The following MBD5 variants were observed in gnomAD, a reference collection of about 807,000 sequenced individuals.
MBD5 encodes methyl-CpG-binding domain protein 5.
A neutral mutation model predicts 117.3 loss-of-function variants in MBD5; 13 were observed. That is an observed-to-expected ratio of 0.11 (90% confidence interval 0.07 to 0.18). MBD5 has a LOEUF of 0.18. Among genes scored for constraint, MBD5 ranks in the 10% least tolerant of loss-of-function variants. MBD5 has a pLI of 1.00. For synonymous variants in MBD5, 727 were observed against 766.4 expected, an observed-to-expected ratio of 0.95 and a Z score of 0.85; for missense variants, 1,879 against 2,093.8, an observed-to-expected ratio of 0.90 and a Z score of 2.00.
intron 4 of MBD5, among the ~76,000 whole-genome samples, chr2:148,353,966 T>C (rs1703308903): frequency 6.6e-6 from 1 of 152,162 alleles, no homozygotes; most frequent in East Asian, 1.9e-4. Context: ...TAGATACTTC[T>C]TTGTGATTGC....
At position 148,470,396 on chromosome 2, in the gene MBD5, C is replaced by G. The variant is rs1413186409; in HGVS notation, c.2453C>G (p.Thr818Arg). ...AATCCACCTCAGTCAAGAATTTCAA[C>G]GTCCTCCACTCCAGTGATACCAAAC... Reference protein sequence around the residue: ...HPNPPQSRISTSSTPVIPNSI... With the variant: ...HPNPPQSRISRSSTPVIPNSI... Residue 818 changes from threonine to arginine, a missense_variant, in exon 8 of 14, where the codon ACG becomes AGG. Transcript: ENST00000642680. The G allele has an allele frequency of 6.2e-7, 1 of 1,613,234 alleles. No homozygotes were observed. The highest frequency in any genetic ancestry group is 8.5e-7 in the Non-Finnish European group (1 of 1,179,476).
chr2:148,204,676 C>G (rs1699232759), intron 2 of MBD5, among the ~76,000 whole-genome samples: 1 of 152,138 alleles, frequency 6.6e-6, no homozygotes, highest in South Asian at 2.1e-4. Context: ...GCTACAGGAT[C>G]TTATAGAAAG....
intron 2 of MBD5, among the ~76,000 whole-genome samples, chr2:148,199,540 G>A (rs1482251980): frequency 6.6e-6 from 1 of 152,070 alleles, no homozygotes; most frequent in East Asian, 1.9e-4. Flanking sequence ...AGGCCGAGGT[G>A]GATGGATCAC....
intron 4 of MBD5, among the ~76,000 whole-genome samples, chr2:148,421,794 A>G (rs1705616274): frequency 6.6e-6 from 1 of 152,178 alleles, no homozygotes; most frequent in Non-Finnish European, 1.5e-5. Flanking sequence ...TTTTACCCTC[A>G]CAGTGTAAAC....
At chr2:148,029,160 A>C (rs1693974647) in intron 1 of MBD5, among the ~76,000 whole-genome samples, 1 of 152,146 alleles carries the variant, frequency 6.6e-6, no homozygotes, top group Non-Finnish European at 1.5e-5. Context: ...CATACCACTC[A>C]TTAAGAATAC....
chr2:148,175,971 G>A (rs555721356), intron 1 of MBD5, among the ~76,000 whole-genome samples: 1 of 152,098 alleles, frequency 6.6e-6, no homozygotes, highest in African/African-American at 2.4e-5. Context: ...AACAATGCCT[G>A]TTATCTGGAA....
chr2:148,481,037 T>C (rs1681134760), intron 8 of MBD5, among the ~76,000 whole-genome samples: 1 of 152,182 alleles, frequency 6.6e-6, no homozygotes, highest in Non-Finnish European at 1.5e-5. Context: ...CTTTTATTTT[T>C]ATAGACTTTT....
chr2:148,408,167 C>T (rs1444097085), intron 4 of MBD5, among the ~76,000 whole-genome samples: 1 of 152,110 alleles, frequency 6.6e-6, no homozygotes, highest in Admixed American at 6.5e-5. Context: ...ACCTTCAATT[C>T]GAAATAAAGA....
At chr2:148,456,718 C>A (rs1444592470) in intron 4 of MBD5, among the ~76,000 whole-genome samples, 1 of 152,016 alleles carries the variant, frequency 6.6e-6, no homozygotes, top group African/African-American at 2.4e-5. Context: ...CTACTTGGTA[C>A]TTTTTATAGT....
intron 4 of MBD5, among the ~76,000 whole-genome samples, chr2:148,438,433 CTG>C (rs1230718834): frequency 4.6e-5 from 7 of 152,158 alleles, no homozygotes; most frequent in African/African-American, 1.7e-4. Context: ...TACTTTGTAT[CTG>C]TCATTATTAA....
At chr2:148,496,073 T>C (rs1681693619) in intron 11 of MBD5, among the ~76,000 whole-genome samples, 1 of 152,250 alleles carries the variant, frequency 6.6e-6, no homozygotes, top group African/African-American at 2.4e-5. Context: ...TATAATTCTC[T>C]GTTGAGAATG....
intron 3 of MBD5, among the ~76,000 whole-genome samples, chr2:148,270,539 C>A (rs540033142): frequency 6.6e-6 from 1 of 151,988 alleles, no homozygotes; most frequent in Non-Finnish European, 1.5e-5. Flanking sequence ...CAGGCATGCA[C>A]CACCACGCCT....
intron 3 of MBD5, among the ~76,000 whole-genome samples, chr2:148,307,486 AG>A (rs1182977278): frequency 1.1e-4 from 2 of 17,510 alleles, no homozygotes; most frequent in African/African-American, 1.4e-4. Context: ...ATCTTACTGT[AG>A]TAGAAAACTC....
At chr2:148,495,551 C>T (rs1326360805) in intron 11 of MBD5, among the ~76,000 whole-genome samples, 1 of 152,136 alleles carries the variant, frequency 6.6e-6, no homozygotes, top group African/African-American at 2.4e-5. Context: ...TATTACTAGA[C>T]TGGCACCAAA....
At chr2:148,058,454 G>A (rs995484894) in intron 1 of MBD5, among the ~76,000 whole-genome samples, 1 of 151,940 alleles carries the variant, frequency 6.6e-6, no homozygotes, top group African/African-American at 2.4e-5. Flanking sequence ...AGGAAGTTTA[G>A]ACCATGGGTG....
chr2:148,396,179 G>A (rs1235099025), intron 4 of MBD5, among the ~76,000 whole-genome samples: 2 of 152,144 alleles, frequency 1.3e-5, no homozygotes, highest in African/African-American at 4.8e-5. Context: ...GGGAACCAGT[G>A]ATCTTCCAGT....
At chr2:148,419,902 T>A (rs548369947) in intron 4 of MBD5, among the ~76,000 whole-genome samples, 3 of 152,118 alleles carry the variant, frequency 2.0e-5, no homozygotes, top group Non-Finnish European at 4.4e-5. Flanking sequence ...CAGATAAACA[T>A]CTCTGGAGGA....
intron 3 of MBD5, among the ~76,000 whole-genome samples, chr2:148,322,764 G>A (rs998558596): frequency 6.6e-6 from 1 of 152,068 alleles, no homozygotes; most frequent in Non-Finnish European, 1.5e-5. Context: ...ACTAAGTTTA[G>A]TGAGTCAAAA....
chr2:148,326,262 G>A (rs545469938), intron 3 of MBD5, among the ~76,000 whole-genome samples: 1 of 152,178 alleles, frequency 6.6e-6, no homozygotes, highest in African/African-American at 2.4e-5. Context: ...CCAAGTATGT[G>A]GTAAATTTTG....
Sources: allele counts gnomAD v4.1 joint callset (sites outside exome capture counted in the v4.1 genomes callset), GRCh38; gene constraint gnomAD v4.1.1; transcripts MANE v1.5; gene names NCBI Gene and HGNC (gene_info 2026-07-23, HGNC 2026-07-21).